MED13L: variants seen among roughly 807,000 people sequenced by gnomAD.
The protein encoded by MED13L is mediator of RNA polymerase II transcription subunit 13-like.
In MED13L, 7 loss-of-function variants were observed where a neutral mutation model predicts 220.9. The ratio of observed to expected loss-of-function variants is 0.03; its 90% CI spans 0.02 to 0.06. The LOEUF is 0.06. MED13L is among the 10% of genes least tolerant of loss of function. MED13L has a pLI of 1.00. For missense variants in MED13L, 1,965 were observed against 2,760.5 expected, an observed-to-expected ratio of 0.71 and a Z score of 6.46; for synonymous variants, 1,011 against 1,015.2, an observed-to-expected ratio of 1.00 and a Z score of 0.08.
At chr12:116,212,842 A>T (rs914132167) in intron 2 of MED13L, among the ~76,000 whole-genome samples, 7 of 152,218 alleles carry the variant, frequency 4.6e-5, no homozygotes, top group African/African-American at 1.7e-4. Flanking sequence ...GAAATGACAC[A>T]GAGAGAATTA....
At chr12:116,105,171 T>C (rs1873447725) in intron 3 of MED13L, among the ~76,000 whole-genome samples, 1 of 152,218 alleles carries the variant, frequency 6.6e-6, no homozygotes, top group Non-Finnish European at 1.5e-5. Context: ...ATAGCCAAAG[T>C]ACTTTTCCCT....
chr12:116,208,000 G>T (rs2138339169), intron 2 of MED13L, among the ~76,000 whole-genome samples: 1 of 152,302 alleles, frequency 6.6e-6, no homozygotes, highest in Middle Eastern at 3.4e-3. Flanking sequence ...ATACCAAAAA[G>T]CAAGGAGGGT....
chr12:115,986,562 T>A (rs993000850), intron 18 of MED13L, 73 bp from the exon 19 acceptor site: 27 of 1,356,088 alleles, frequency 2.0e-5, no homozygotes, highest in Middle Eastern at 2.5e-4. Flanking sequence ...AAATTCCTGG[T>A]GCACTGGTCT....
intron 4 of MED13L, among the ~76,000 whole-genome samples, chr12:116,034,668 T>C (rs1881067359): frequency 6.6e-6 from 1 of 152,172 alleles, no homozygotes; most frequent in Non-Finnish European, 1.5e-5. Flanking sequence ...CACGGAGATC[T>C]CTTTCTTCTC....
At chr12:116,119,825 A>AT in intron 2 of MED13L, among the ~76,000 whole-genome samples, 1 of 112,174 alleles carries the variant, frequency 8.9e-6, no homozygotes, top group African/African-American at 3.5e-5. Context: ...AAAAAAAAAA[A>AT]AAAAAAAAAA....
chr12:116,276,948 G>A (rs1401417555), intron 1 of MED13L, 112 bp downstream of exon 1: 2 of 1,202,840 alleles, frequency 1.7e-6, no homozygotes, highest in East Asian at 5.3e-5. Context: ...GCGGGGAGAC[G>A]CGAGGGAGGG....
At chr12:116,092,371 A>G (rs1019500617) in intron 4 of MED13L, among the ~76,000 whole-genome samples, 1 of 152,200 alleles carries the variant, frequency 6.6e-6, no homozygotes, top group Non-Finnish European at 1.5e-5. Context: ...GAGTCTGGGG[A>G]AAAAGAGGAG....
At position 116,108,692 on chromosome 12, in the gene MED13L, A is replaced by C. The variant is rs185866956; in HGVS notation, c.395+2736T>G. Among the ~76,000 whole-genome samples, 29 of 152,334 alleles carry C rather than the reference A, an allele frequency of 1.9e-4. No homozygotes were observed. In the East Asian group the frequency reaches 5.6e-3, roughly 29 times the overall value. On this transcript the variant is annotated intron_variant, in intron 3 of 30. Transcript: ENST00000281928. ...AAACTATATGAAGATGGTTTGTTTG[A>C]TCATTATTTTCTAAAAGAAAAGATG...
At chr12:116,265,332 G>A (rs1176567173) in intron 1 of MED13L, among the ~76,000 whole-genome samples, 4 of 152,192 alleles carry the variant, frequency 2.6e-5, no homozygotes, top group African/African-American at 4.8e-5. Flanking sequence ...AATCGAATTT[G>A]TTTTCAATGC....
intron 14 of MED13L, among the ~76,000 whole-genome samples, chr12:115,998,069 T>C (rs1203653033): frequency 6.6e-6 from 1 of 152,200 alleles, no homozygotes; most frequent in Non-Finnish European, 1.5e-5. Flanking sequence ...GATATTAAAA[T>C]GAAACTTCAA....
intron 1 of MED13L, among the ~76,000 whole-genome samples, chr12:116,255,733 ACGAATGACTTAATATG>A (rs1420961537): frequency 1.3e-5 from 2 of 152,280 alleles, no homozygotes; most frequent in Non-Finnish European, 2.9e-5. Context: ...CAAAAGATAT[ACGAATGACTTAATATG>A]CACATGCAAT....
chr12:116,000,889 G>C (rs560847685), intron 14 of MED13L, among the ~76,000 whole-genome samples: 2 of 151,766 alleles, frequency 1.3e-5, no homozygotes, highest in East Asian at 3.9e-4. Flanking sequence ...AATGGGGCTT[G>C]ACCAAATAGA....
chr12:116,110,951 T>C (rs1046471115), intron 3 of MED13L, among the ~76,000 whole-genome samples: 2 of 152,188 alleles, frequency 1.3e-5, no homozygotes, highest in Admixed American at 1.3e-4. Context: ...AAATACAATG[T>C]ATGATCATGG....
At position 115,959,418 on chromosome 12, in the gene MED13L, C is replaced by T. The variant is rs968254406; in HGVS notation, c.*1848G>A. 6 of 151,844 alleles carry T rather than the reference C, an allele frequency of 4.0e-5. No homozygotes were observed. The highest frequency in any genetic ancestry group is 9.7e-5 in the African/African-American group (4 of 41,170). The allele number at this position is 151,844 out of a possible 1,614,324, so 9.4% of individuals were successfully genotyped here. A position where few individuals can be genotyped will look rare whatever the true frequency, so the allele number is the denominator to read the frequency against. On this transcript the variant is annotated 3_prime_UTR_variant, in exon 31 of 31. Transcript: ENST00000281928. The stretch of plus-strand genomic sequence containing the variant: ...AAAAATTCAAAGTTCTGATGAATTC[C>T]GGGAAAAAAGCAACCCCAAAGTGGT...
intron 18 of MED13L, 33 bp downstream of exon 18, chr12:115,987,076 C>G (rs1877741978): frequency 6.2e-7 from 1 of 1,610,320 alleles, no homozygotes; most frequent in Non-Finnish European, 8.5e-7. Flanking sequence ...GCACTGAAGT[C>G]AGAAGGAATT....
At chr12:116,256,341 G>A (rs763176322) in intron 1 of MED13L, among the ~76,000 whole-genome samples, 64 of 149,754 alleles carry the variant, frequency 4.3e-4, no homozygotes, top group Non-Finnish European at 8.3e-4. Context: ...CAGAAATAAG[G>A]ATTACATACT....
chr12:116,149,757 T>TA (rs1268106911), intron 2 of MED13L, among the ~76,000 whole-genome samples: 2 of 151,966 alleles, frequency 1.3e-5, no homozygotes, highest in Non-Finnish European at 2.9e-5. Flanking sequence ...ACACAGAAAA[T>TA]AAGAGTTAGG....
chr12:116,211,779 G>A (rs1207106937), intron 2 of MED13L, among the ~76,000 whole-genome samples: 1 of 152,116 alleles, frequency 6.6e-6, no homozygotes, highest in Non-Finnish European at 1.5e-5. Flanking sequence ...CATTTGTAAA[G>A]CTGTCCACTT....
chr12:116,250,885 T>C (rs189885670), intron 1 of MED13L, among the ~76,000 whole-genome samples: 1 of 150,576 alleles, frequency 6.6e-6, no homozygotes, highest in Admixed American at 6.6e-5. Context: ...ACATGTCAGA[T>C]ATAGAAAGAA....
Sources: gnomAD v4.1 joint callset for allele counts (sites outside exome capture counted in the v4.1 genomes callset) on GRCh38, gnomAD v4.1.1 for gene constraint, MANE v1.5 for transcripts, NCBI Gene and HGNC (gene_info 2026-07-23, HGNC 2026-07-21) for gene names.